TENM1: variants seen among roughly 807,000 people sequenced by gnomAD.
The protein encoded by TENM1 is teneurin-1.
In TENM1, 35 loss-of-function variants were observed where a neutral mutation model predicts 174.8. The ratio of observed to expected loss-of-function variants is 0.20; its 90% confidence interval spans 0.15 to 0.27. The LOEUF (loss-of-function observed/expected upper bound fraction) is 0.27. TENM1 is among the 10% of genes least tolerant of loss of function. The pLI is 1.00. For synonymous variants in TENM1, 781 were observed against 798.7 expected (o/e 0.98, Z 0.37); for missense variants, 1,633 against 2,130.1 (o/e 0.77, Z 4.59).
chrX:124,589,376 G>A (rs151274356), intron 11 of TENM1, among the ~76,000 whole-genome samples: 22,313 of 108,397 alleles, frequency 0.21, 1,747 homozygotes, highest in South Asian at 0.39. Flanking sequence ...TGTTGTTGTT[G>A]TTGTTGTTGT....
chrX:125,004,499 T>G, the TENM1 span, among the ~76,000 whole-genome samples: 1 of 112,276 alleles, frequency 8.9e-6, no homozygotes, highest in East Asian at 2.8e-4. Flanking sequence ...ATAATCATGC[T>G]TCTTTGCAAT....
chrX:124,464,177 G>A (rs2061215661), intron 22 of TENM1, among the ~76,000 whole-genome samples: 1 of 111,320 alleles, frequency 9.0e-6, no homozygotes, highest in South Asian at 3.8e-4. Flanking sequence ...ACACAAGAAC[G>A]TTAGTGAACA....
chrX:124,616,943 C>T (rs1036399712), intron 11 of TENM1, among the ~76,000 whole-genome samples: 5 of 111,584 alleles, frequency 4.5e-5, no homozygotes, highest in African/African-American at 1.6e-4. Context: ...AGTCCTCTCC[C>T]CTTTTGCCTC....
At chrX:124,421,612 CTCT>C (rs1358295169) in intron 24 of TENM1, among the ~76,000 whole-genome samples, 1 of 76,295 alleles carries the variant, frequency 1.3e-5, no homozygotes, top group Non-Finnish European at 2.9e-5. Context: ...GGGGAGAAGG[CTCT>C]TTTTTTTTTT....
chrX:124,406,817 G>T (rs1278612145), intron 25 of TENM1, among the ~76,000 whole-genome samples: 1 of 111,240 alleles, frequency 9.0e-6, no homozygotes, highest in African/African-American at 3.3e-5. Context: ...TTGCGATTTG[G>T]GTCGATCCCA....
At chrX:125,113,064 G>T in the TENM1 span, among the ~76,000 whole-genome samples, 5 of 111,116 alleles carry the variant, frequency 4.5e-5, no homozygotes, top group Non-Finnish European at 9.4e-5. Flanking sequence ...ACAAAATAGG[G>T]AGTCCAAAAA....
the TENM1 span, among the ~76,000 whole-genome samples, chrX:125,157,251 A>T: frequency 5.3e-5 from 6 of 112,389 alleles, 1 homozygote; most frequent in South Asian, 2.2e-3. Context: ...TACGTAAAAG[A>T]TGATTCCATA....
the TENM1 span, among the ~76,000 whole-genome samples, chrX:125,152,229 G>A: frequency 4.6e-3 from 484 of 105,650 alleles, 1 homozygote; most frequent in Non-Finnish European, 6.1e-3. Flanking sequence ...CAGCCTGGGT[G>A]ACAAAGCAAG....
intron 1 of TENM1, among the ~76,000 whole-genome samples, chrX:124,897,955 C>T (rs112942161): frequency 3.6e-5 from 4 of 112,592 alleles, no homozygotes; most frequent in African/African-American, 9.7e-5. Flanking sequence ...ATTCATGCCT[C>T]TTAATTTCAC....
the TENM1 span, among the ~76,000 whole-genome samples, chrX:124,974,198 G>A: frequency 1.5e-4 from 17 of 111,518 alleles, no homozygotes; most frequent in Non-Finnish European, 3.2e-4. Context: ...ATGAACCCAC[G>A]CTCATCATAA....
chrX:125,158,560 T>A, the TENM1 span, among the ~76,000 whole-genome samples: 1 of 110,892 alleles, frequency 9.0e-6, no homozygotes. Flanking sequence ...TTTAGGGTTG[T>A]ACCAAAGCAT....
chrX:124,586,984 A>T (rs370921614), intron 11 of TENM1, among the ~76,000 whole-genome samples: 2 of 111,221 alleles, frequency 1.8e-5, no homozygotes, highest in East Asian at 5.6e-4. Context: ...CCTACAAAGG[A>T]CGTGAAGGAC....
chrX:124,484,285 T>A lies in TENM1; in HGVS notation c.3717-2321A>T, dbSNP rs956436250. Among the ~76,000 whole-genome samples, 3 of 111,745 alleles carry A rather than the reference T, an allele frequency of 2.7e-5. No individual in the cohort carries two copies. The Admixed American group carries it at 2.8e-4, about 11-fold the overall frequency. On this transcript the variant is annotated intron_variant, in intron 21 of 31. Coordinates refer to ENST00000422452, the Ensembl canonical transcript of TENM1. ...TGATGTACACTAATGGGTTTGACCTTGATCTCCTGGCTGAAATAGTGTTCG... is the reference window on the plus strand; with the variant it reads ...TGATGTACACTAATGGGTTTGACCTAGATCTCCTGGCTGAAATAGTGTTCG...
At chrX:124,937,459 C>G (rs150455251) in intron 1 of TENM1, among the ~76,000 whole-genome samples, 9,742 of 111,229 alleles carry the variant, frequency 0.088, 418 homozygotes, top group Non-Finnish European at 0.13. Context: ...AAGTGCTTCT[C>G]CCTGTATCTG....
chrX:124,403,162 C>T (rs1383743484), intron 27 of TENM1, among the ~76,000 whole-genome samples: 1 of 110,396 alleles, frequency 9.1e-6, no homozygotes, highest in Non-Finnish European at 1.9e-5. Flanking sequence ...CAAACAAAAC[C>T]AAACAACAAC....
At chrX:124,926,023 CT>C (rs1321828500) in intron 1 of TENM1, among the ~76,000 whole-genome samples, 1 of 112,227 alleles carries the variant, frequency 8.9e-6, no homozygotes, top group African/African-American at 3.2e-5. Flanking sequence ...CAGCTTTTTA[CT>C]TTTAAATGCT....
chrX:124,561,180 C>G (rs1314249896), intron 14 of TENM1, among the ~76,000 whole-genome samples: 4 of 112,003 alleles, frequency 3.6e-5, no homozygotes, highest in South Asian at 3.7e-4. Context: ...GCAAACTATG[C>G]TAACATCAAA....
At chrX:124,613,053 A>T (rs2050315794) in intron 11 of TENM1, among the ~76,000 whole-genome samples, 1 of 111,462 alleles carries the variant, frequency 9.0e-6, no homozygotes, top group Non-Finnish European at 1.9e-5. Flanking sequence ...TGCCTTCTAC[A>T]ATGTGTAAAG....
At chrX:124,881,380 T>C (rs1669332117) in intron 3 of TENM1, among the ~76,000 whole-genome samples, 1 of 111,679 alleles carries the variant, frequency 9.0e-6, no homozygotes, top group Non-Finnish European at 1.9e-5. Context: ...TTGTTATGTC[T>C]CTTTTTTCAC....
Sources: gnomAD v4.1 joint callset for allele counts (sites outside exome capture counted in the v4.1 genomes callset) on GRCh38, gnomAD v4.1.1 for gene constraint, MANE v1.5 for transcripts, NCBI Gene and HGNC (gene_info 2026-07-23, HGNC 2026-07-21) for gene names.